The following ADPRHL1 variants were observed in gnomAD, a reference collection of about 807,000 sequenced individuals.
The protein encoded by ADPRHL1 is ADP-ribosylhydrolase like 1.
In ADPRHL1, 43 loss-of-function variants were observed where a neutral mutation model predicts 44.1. That is an observed-to-expected ratio of 0.98 (90% confidence interval 0.76 to 1.26). The LOEUF is 1.26. Ranked by LOEUF, ADPRHL1 falls within the 50% of genes most tolerant of loss-of-function variation. The probability of loss-of-function intolerance (pLI) is 0.00; values close to 1 mark genes in which losing one functional copy is unlikely to be tolerated. For missense variants in ADPRHL1, 2,022 were observed against 2,496.9 expected (o/e 0.81, Z 4.05); for synonymous variants, 878 against 1,017.4 (o/e 0.86, Z 2.61).
At chr13:113,420,275 C>T (rs539982207) in intron 7 of ADPRHL1, among the ~76,000 whole-genome samples, 33 of 152,180 alleles carry the variant, frequency 2.2e-4, no homozygotes, top group African/African-American at 7.9e-4. Context: ...CTTTTGTTTA[C>T]GATGCTTGTG....
chr13:113,403,121 A>C lies in ADPRHL1; in HGVS notation c.*257T>G. 3.2e-6 allele frequency: 1 copy of C among 309,904 alleles called. No individual in the cohort carries two copies. Among genetic ancestry groups the C allele is most frequent in the Non-Finnish European group, 5.9e-6 (1 of 170,888 alleles). 19.2% of individuals were successfully genotyped at this position (309,904 alleles called of 1,614,324 possible). ...GCGCCCCCGAGTGAAGACACAAAGA[A>C]TCCCGAGGGCCTGGTGAGGCCACAG... is the stretch of plus-strand genomic sequence containing the variant. On this transcript the variant is annotated 3_prime_UTR_variant, in exon 8 of 8. Transcript: ENST00000612156.
At chr13:113,425,323 G>A in intron 4 of ADPRHL1, 144 bp from the exon 5 acceptor site, 1 of 779,880 alleles carries the variant, frequency 1.3e-6, no homozygotes, top group Non-Finnish European at 2.0e-6. Context: ...GGCATGTGGA[G>A]AAGCCGAGCA....
chr13:113,414,157 G>A (rs940094873), intron 7 of ADPRHL1, among the ~76,000 whole-genome samples: 5 of 151,958 alleles, frequency 3.3e-5, no homozygotes, highest in East Asian at 3.9e-4. Context: ...CCGGTTTCAC[G>A]TGGCAGCTGG....
At chr13:113,450,568 G>T (rs2044171369) in intron 1 of ADPRHL1, among the ~76,000 whole-genome samples, 2 of 152,184 alleles carry the variant, frequency 1.3e-5, no homozygotes, top group African/African-American at 4.8e-5. Flanking sequence ...AAGGGGCAGG[G>T]TAAAGAATGC....
intron 4 of ADPRHL1, among the ~76,000 whole-genome samples, chr13:113,427,694 C>T (rs189831344): frequency 7.9e-5 from 12 of 152,338 alleles, no homozygotes; most frequent in Admixed American, 5.2e-4. Flanking sequence ...TGTGCTGTGG[C>T]CTGCCAGGTG....
chr13:113,422,682 A>G, intron 7 of ADPRHL1, 144 bp downstream of exon 7: 1 of 1,011,778 alleles, frequency 9.9e-7, no homozygotes, highest in South Asian at 1.7e-5. Flanking sequence ...CTGAAATTGG[A>G]AACAGAGAGT....
rs1287709836 is a variant in ADPRHL1 at position 113,425,044 on chromosome 13, A to G, written c.774+8T>C. On this transcript the variant is annotated splice_region_variant and intron_variant, in intron 5 of 7. Transcript: ENST00000612156. ...CAGACATTGCCCCAGTGCCAGGACA[A>G]GGCTTACCTTTTCCCTCTCTTCTGC... 1.1e-5 allele frequency: 17 copies of G among 1,613,224 alleles called. No individual in the cohort carries two copies. Among genetic ancestry groups the G allele is most frequent in the Non-Finnish European group, 1.4e-5 (17 of 1,179,876 alleles).
intron 2 of ADPRHL1, among the ~76,000 whole-genome samples, chr13:113,438,647 T>C (rs1389174596): frequency 6.6e-6 from 1 of 152,122 alleles, no homozygotes; most frequent in Non-Finnish European, 1.5e-5. Context: ...TGAGCCGAGA[T>C]TGTGCCACTG....
At chr13:113,411,216 T>G (rs1280353274) in intron 7 of ADPRHL1, among the ~76,000 whole-genome samples, 1 of 152,102 alleles carries the variant, frequency 6.6e-6, no homozygotes, top group Non-Finnish European at 1.5e-5. Flanking sequence ...CCTCCTGCCT[T>G]GTTAGGAGGC....
chr13:113,412,193 T>G (rs1389578723), intron 7 of ADPRHL1, among the ~76,000 whole-genome samples: 1 of 152,186 alleles, frequency 6.6e-6, no homozygotes, highest in Non-Finnish European at 1.5e-5. Flanking sequence ...TTGCTTTTTT[T>G]TTGGGACGGA....
In ADPRHL1 at chr13:113,429,084, C is replaced by A. The variant is rs1425607541; in HGVS notation, c.514G>T (p.Gly172Cys). Residue 172 changes from glycine (G) to cysteine (C), a missense_variant, in exon 4 of 8, where the codon GGC (glycine) becomes TGC (cysteine). Gly to Cys is a radical substitution (Grantham distance 159). This residue lies in a region of ADPRHL1 where 437 missense variants were observed against 430.7 expected (regional missense o/e 1.01). Coordinates refer to ENST00000612156, the MANE Select transcript of ADPRHL1 (RefSeq NM_001394807.1). ...ACAAACAGGGCCGTGCACAGGGAGC[C>A]CAGGAAGCCTGGAGGGCAGGGAAGA... ...MTHNHPTGFL[G>C]SLCTALFVSF... is the part of the protein sequence containing the mutation. The A allele has an allele frequency of 2.5e-6, 4 of 1,608,942 alleles. No individual in the cohort carries two copies. The African/African-American group carries it at 4.0e-5, about 16-fold the overall frequency.
rs896944306 is a variant in ADPRHL1 at position 113,403,564 on chromosome 13, G to C, written c.5718C>G (p.Ser1906=). Residue 1906 remains serine (S), a synonymous_variant, in exon 8 of 8, where the codon TCC becomes TCG. Transcript: ENST00000612156. The part of the protein sequence containing the change: ...GTPQAPAQEG[S]PDHPGAERAL... ...CCCTCTCAGCCCCAGGGTGGTCTGG[G>C]GACCCCTCCTGGGCCGGGGCCTGGG... The C allele has an allele frequency of 1.6e-4, 198 of 1,231,672 alleles. No individual in the cohort carries two copies. The highest frequency in any genetic ancestry group is 4.2e-5 in the Admixed American group (1 of 23,702). 76.3% of individuals were successfully genotyped at this position (1,231,672 alleles called of 1,614,324 possible). A position where few individuals can be genotyped will look rare whatever the true frequency, so the allele number is the denominator to read the frequency against.
rs949579497 is a variant in ADPRHL1 at position 113,406,153 on chromosome 13, C to T, written c.3129G>A (p.Ala1043=). Residue 1043 remains alanine, a synonymous_variant, in exon 8 of 8, where the codon GCG becomes GCA. Transcript: ENST00000612156. The part of the protein sequence containing the change: ...RNPTGAPTSL[A]ASSKGRTGPE... ...GCCCCGTACGCCCCTTGGATGATGCCGCCAGTGACGTGGGGGCTCCTGTTG... is the reference window on the plus strand; with the variant it reads ...GCCCCGTACGCCCCTTGGATGATGCTGCCAGTGACGTGGGGGCTCCTGTTG... 1.4e-5 allele frequency: 17 copies of T among 1,232,002 alleles called. No homozygotes were observed. Among genetic ancestry groups the T allele is most frequent in the South Asian group, 8.2e-5 (2 of 24,320 alleles). The allele number at this position is 1,232,002 out of a possible 1,614,324, so 76.3% of individuals were successfully genotyped here.
At chr13:113,449,630 A>C (rs1296794741) in intron 1 of ADPRHL1, among the ~76,000 whole-genome samples, 1 of 152,112 alleles carries the variant, frequency 6.6e-6, no homozygotes, top group Non-Finnish European at 1.5e-5. Flanking sequence ...GGCTGCCCCG[A>C]CCCTCAGACC....
intron 7 of ADPRHL1, among the ~76,000 whole-genome samples, chr13:113,410,345 C>T (rs545587007): frequency 5.9e-5 from 9 of 152,322 alleles, no homozygotes; most frequent in African/African-American, 1.7e-4. Flanking sequence ...CTCTGATCCA[C>T]GGTCTGGGGA....
At chr13:113,420,566 CA>C (rs2043910559) in intron 7 of ADPRHL1, among the ~76,000 whole-genome samples, 1 of 152,054 alleles carries the variant, frequency 6.6e-6, no homozygotes, top group Non-Finnish European at 1.5e-5. Context: ...AGGTAATTCT[CA>C]GTTAATTTCC....
chr13:113,413,394 C>T (rs113273487), intron 7 of ADPRHL1, among the ~76,000 whole-genome samples: 3,806 of 150,964 alleles, frequency 0.025, 158 homozygotes, highest in African/African-American at 0.083. Flanking sequence ...GTGAGCCCCA[C>T]GGTGACCCAC....
chr13:113,422,779 G>A (rs368606506), intron 7 of ADPRHL1, 47 bp downstream of exon 7: 62 of 1,609,492 alleles, frequency 3.9e-5, no homozygotes, highest in African/African-American at 3.6e-4. Flanking sequence ...TACGGGCCCC[G>A]GGGTGGAATC....
chr13:113,426,587 C>T (rs1207455959), intron 4 of ADPRHL1, among the ~76,000 whole-genome samples: 2 of 152,202 alleles, frequency 1.3e-5, no homozygotes, highest in African/African-American at 4.8e-5. Context: ...CACAGGCACC[C>T]GCGACTCAGG....
Sources: gnomAD v4.1 joint callset for allele counts (sites outside exome capture counted in the v4.1 genomes callset) on GRCh38, gnomAD v4.1.1 for gene constraint, gnomAD v4.1.1 regional missense constraint, MANE v1.5 for transcripts, NCBI Gene and HGNC (gene_info 2026-07-23, HGNC 2026-07-21) for gene names.